OTOGL: variants seen among roughly 807,000 people sequenced by gnomAD.
OTOGL encodes the protein otogelin like, also known as otogelin-like protein.
Under a neutral mutation model 318.5 loss-of-function variants are expected in OTOGL, and 285 were observed. The observed-to-expected ratio is 0.89, with a 90% CI of 0.81 to 0.99. The LOEUF (loss-of-function observed/expected upper bound fraction) is 0.99. OTOGL is among the 50% of genes least tolerant of loss of function. The pLI, the probability that OTOGL is intolerant of heterozygous loss-of-function variation, is 0.00. For missense variants in OTOGL, 2,899 were observed against 2,845.6 expected, an observed-to-expected ratio of 1.02 and a Z score of -0.43; for synonymous variants, 987 against 936.5, an observed-to-expected ratio of 1.05 and a Z score of -0.99.
Position 80,108,791 on chromosome 12 carries a change from A to ATATATGTG in OTOGL, c.-20+9191_-20+9192insGTGTATAT, listed in dbSNP as rs1565863125. On this transcript the variant is annotated intron_variant, in intron 1 of 58. Coordinates refer to ENST00000547103, the MANE Select transcript of OTOGL (RefSeq NM_001378609.3). ...TACACGTATATATATATATATGTAT[A>ATATATGTG]TATATATATGTATATATATATGTGT... is the stretch of plus-strand genomic sequence containing the variant. Among the ~76,000 whole-genome samples, 19 of 122,520 alleles carry ATATATGTG rather than the reference A, an allele frequency of 1.6e-4. 1 individual carries two copies. The highest frequency in any genetic ancestry group is 9.0e-4 in the East Asian group (4 of 4,424). 80.4% of individuals were successfully genotyped at this position (122,520 alleles called of 152,430 possible). A position where few individuals can be genotyped will look rare whatever the true frequency, so the allele number is the denominator to read the frequency against.
At chr12:80,312,565 A>G (rs1324277876) in intron 30 of OTOGL, among the ~76,000 whole-genome samples, 1 of 152,132 alleles carries the variant, frequency 6.6e-6, no homozygotes, top group Non-Finnish European at 1.5e-5. Context: ...GAGACAGAAA[A>G]GTTTGAGGAC....
At position 80,255,868 on chromosome 12, in the gene OTOGL, TA is replaced by T. The variant is rs564363259; in HGVS notation, c.1588-468del. ...GCTTTATTTGTTTTTTTTCCAGTTT[TA>T]TTTTTTCTATGTAATATATTAGAGT... On this transcript the variant is annotated intron_variant, in intron 16 of 58. Transcript: ENST00000547103. Among the ~76,000 whole-genome samples, 1,333 of 152,030 alleles carry T rather than the reference TA, an allele frequency of 8.8e-3. 21 individuals carry two copies. The highest frequency in any genetic ancestry group is 0.03 in the African/African-American group (1,267 of 41,542).
Position 80,249,959 on chromosome 12 carries a change from C to G in OTOGL, c.1053-1734C>G, listed in dbSNP as rs538412677. Among the ~76,000 whole-genome samples, 681 of 152,122 alleles carry G rather than the reference C, an allele frequency of 4.5e-3. 2 individuals are homozygous for G. The highest frequency in any genetic ancestry group is 6.2e-3 in the Non-Finnish European group (421 of 68,020). ...GCGTCCGTCAGCCCTTTCTTTGACT[C>G]GGAAAGGGAACTCCCTGACCCCTTG... On this transcript the variant is annotated intron_variant, in intron 11 of 58. Coordinates refer to ENST00000547103, the MANE Select transcript of OTOGL (RefSeq NM_001378609.3).
intron 25 of OTOGL, among the ~76,000 whole-genome samples, chr12:80,278,535 T>C (rs1464527062): frequency 6.6e-6 from 1 of 151,498 alleles, no homozygotes; most frequent in African/African-American, 2.4e-5. Flanking sequence ...ATCTCATGTT[T>C]ATAAGAAAGT....
chr12:80,114,861 A>C (rs1370556039), intron 1 of OTOGL, among the ~76,000 whole-genome samples: 1 of 151,476 alleles, frequency 6.6e-6, no homozygotes, highest in East Asian at 2.0e-4. Flanking sequence ...TATTTCATTA[A>C]GTTGATCTTC....
At position 80,378,174 on chromosome 12, in the gene OTOGL, G is replaced by A; in HGVS notation, c.*126G>A. 1.4e-6 allele frequency: 1 copy of A among 718,824 alleles called. No individual in the cohort carries two copies. The allele number at this position is 718,824 out of a possible 1,614,324, so 44.5% of individuals were successfully genotyped here. A position where few individuals can be genotyped will look rare whatever the true frequency, so the allele number is the denominator to read the frequency against. On this transcript the variant is annotated 3_prime_UTR_variant, in exon 59 of 59. Coordinates refer to ENST00000547103, the MANE Select transcript of OTOGL (RefSeq NM_001378609.3). ...ATACTGTATTTTTCAGACTTGGAATGTGGAAATTTAGCAATTTGTACAAAA... is the reference window on the plus strand; with the variant it reads ...ATACTGTATTTTTCAGACTTGGAATATGGAAATTTAGCAATTTGTACAAAA...
intron 53 of OTOGL, among the ~76,000 whole-genome samples, chr12:80,367,193 T>G (rs1248488002): frequency 6.7e-6 from 1 of 150,244 alleles, no homozygotes; most frequent in Non-Finnish European, 1.5e-5. Context: ...CAGGCTGGTC[T>G]CAAACTTCTG....
At chr12:80,156,885 G>T (rs1349916594) in intron 1 of OTOGL, among the ~76,000 whole-genome samples, 1 of 152,130 alleles carries the variant, frequency 6.6e-6, no homozygotes, top group Non-Finnish European at 1.5e-5. Context: ...ATTGTGAAGA[G>T]TGCTGCAAAA....
chr12:80,255,106 G>T lies in OTOGL; in HGVS notation c.1508G>T (p.Gly503Val). ...GATGGTCGACATTATTCTTTTATTGGCATGTGCCAATACATCCTCGTGAAA... is the reference window on the plus strand; with the variant it reads ...GATGGTCGACATTATTCTTTTATTGTCATGTGCCAATACATCCTCGTGAAA... Reference protein sequence around the residue: ...TFDGRHYSFIGMCQYILVKGT... With the variant: ...TFDGRHYSFIVMCQYILVKGT... Residue 503 changes from glycine to valine, a missense_variant, in exon 16 of 59, where the codon GGC becomes GTC. By Grantham distance (109) the Gly-to-Val change is moderately radical. This residue lies in a region of OTOGL where 2,607 missense variants were observed against 2,524.9 expected (regional missense o/e 1.03). Coordinates refer to ENST00000547103, the MANE Select transcript of OTOGL (RefSeq NM_001378609.3). The T allele has an allele frequency of 1.3e-6, 2 of 1,524,024 alleles. No homozygotes were observed. The highest frequency in any genetic ancestry group is 1.8e-6 in the Non-Finnish European group (2 of 1,137,190). The allele number at this position is 1,524,024 out of a possible 1,614,324, so 94.4% of individuals were successfully genotyped here.
chr12:80,238,872 CTA>C lies in OTOGL; in HGVS notation c.841_842del (p.Met281ValfsTer4), dbSNP rs876657658. Reference sequence around the variant, plus strand: ...ATAGAGGACTATACAGAAGACATCGCTATGTTTGCAAATAGTTGGTCGGTGCA... The same window carrying C: ...ATAGAGGACTATACAGAAGACATCGCTGTTTGCAAATAGTTGGTCGGTGCA... On this transcript the variant is annotated frameshift_variant, in exon 10 of 59. Coordinates refer to ENST00000547103, the MANE Select transcript of OTOGL (RefSeq NM_001378609.3). LOFTEE classifies it high-confidence loss of function. 42 of 1,559,118 alleles carry C rather than the reference CTA, an allele frequency of 2.7e-5. No individual in the cohort carries two copies. The highest frequency in any genetic ancestry group is 3.5e-5 in the Non-Finnish European group (41 of 1,158,210).
At chr12:80,373,633 A>T (rs1050807205) in intron 57 of OTOGL, among the ~76,000 whole-genome samples, 1 of 151,304 alleles carries the variant, frequency 6.6e-6, no homozygotes, top group African/African-American at 2.4e-5. Context: ...ATGTATTAAA[A>T]TATTAATACA....
In OTOGL at chr12:80,341,936, T is replaced by C; in HGVS notation, c.5051-12T>C. On this transcript the variant is annotated splice_polypyrimidine_tract_variant and intron_variant, in intron 43 of 58. Coordinates refer to ENST00000547103, the MANE Select transcript of OTOGL (RefSeq NM_001378609.3). ...AAGTTTTTTTCTTCTAACTGTCATATATTCTTTCAAGGAATTTGCAATGAA... is the reference window on the plus strand; with the variant it reads ...AAGTTTTTTTCTTCTAACTGTCATACATTCTTTCAAGGAATTTGCAATGAA... 6.4e-7 allele frequency: 1 copy of C among 1,571,486 alleles called. No individual in the cohort carries two copies. The highest frequency in any genetic ancestry group is 1.3e-5 in the African/African-American group (1 of 74,426).
chr12:80,338,987 T>C (rs1267174208), intron 42 of OTOGL, 88 bp from the exon 43 acceptor site: 2 of 1,111,138 alleles, frequency 1.8e-6, no homozygotes, highest in African/African-American at 1.6e-5. Flanking sequence ...ATAGTTTACA[T>C]TAAATCAGAA....
At chr12:80,146,179 ATATTGGC>A (rs1186685703) in intron 1 of OTOGL, among the ~76,000 whole-genome samples, 1 of 148,070 alleles carries the variant, frequency 6.8e-6, no homozygotes, top group Non-Finnish European at 1.5e-5. Flanking sequence ...ATTCAGTATG[ATATTGGC>A]TGTGGGTTTG....
chr12:80,336,392 C>T (rs768107912), intron 39 of OTOGL, 21 bp from the exon 40 acceptor site: 3 of 1,564,512 alleles, frequency 1.9e-6, no homozygotes, highest in East Asian at 2.3e-5. Flanking sequence ...AGACTAAATC[C>T]ACTTTCCACC....
At chr12:80,264,419 T>C (rs1159944293) in intron 19 of OTOGL, among the ~76,000 whole-genome samples, 2 of 152,224 alleles carry the variant, frequency 1.3e-5, no homozygotes, top group African/African-American at 2.4e-5. Context: ...TATTCACTTA[T>C]TCATGCATTT....
chr12:80,238,710 T>A, intron 9 of OTOGL, 141 bp from the exon 10 acceptor site: 1 of 1,069,906 alleles, frequency 9.3e-7, no homozygotes, highest in Non-Finnish European at 1.2e-6. Flanking sequence ...TGTTATTATC[T>A]AATATCACAT....
intron 11 of OTOGL, among the ~76,000 whole-genome samples, chr12:80,244,108 G>A (rs1455380946): frequency 6.6e-6 from 1 of 150,868 alleles, no homozygotes; most frequent in African/African-American, 2.4e-5. Context: ...GCTAGTCTGT[G>A]CCACTAATGA....
At chr12:80,306,042 G>A (rs1886086329) in intron 29 of OTOGL, among the ~76,000 whole-genome samples, 1 of 152,054 alleles carries the variant, frequency 6.6e-6, no homozygotes, top group Admixed American at 6.6e-5. Context: ...TCTGCATTTC[G>A]AAGGATGATG....
Sources: gnomAD v4.1 joint callset for allele counts (sites outside exome capture counted in the v4.1 genomes callset) on GRCh38, gnomAD v4.1.1 for gene constraint, gnomAD v4.1.1 regional missense constraint, MANE v1.5 for transcripts, NCBI Gene and HGNC (gene_info 2026-07-23, HGNC 2026-07-21) for gene names.